Variants in GOLIM4 observed in about 807,000 individuals in gnomAD.
GOLIM4 encodes the protein 130 kDa golgi-localized phosphoprotein.
Under a neutral mutation model 107.4 loss-of-function variants are expected in GOLIM4, and 71 were observed. That is an observed-to-expected ratio of 0.66 (90% CI 0.55 to 0.81). GOLIM4 has a LOEUF of 0.81. GOLIM4 is among the 30% of genes least tolerant of loss of function. GOLIM4 has a pLI of 0.00. For missense variants in GOLIM4, 830 were observed against 826.1 expected (o/e 1.00, Z -0.06); for synonymous variants, 327 against 294.8 (o/e 1.11, Z -1.12).
chr3:168,067,298 T>C (rs1720600902), intron 1 of GOLIM4, among the ~76,000 whole-genome samples: 2 of 152,086 alleles, frequency 1.3e-5, no homozygotes, highest in African/African-American at 4.8e-5. Flanking sequence ...TGAAGAATAC[T>C]AGCCCTTGAC....
chr3:168,076,555 G>A (rs528277980), intron 1 of GOLIM4, among the ~76,000 whole-genome samples: 20 of 152,248 alleles, frequency 1.3e-4, no homozygotes, highest in African/African-American at 4.8e-4. Context: ...GCTGGGCGTC[G>A]TGGCGCACAC....
At position 168,095,221 on chromosome 3, in the gene GOLIM4, A is replaced by T. The variant is rs200050335; in HGVS notation, c.65T>A (p.Val22Asp). Residue 22 changes from valine (V) to aspartate (D), a missense_variant, in exon 1 of 16, where the codon GTC (valine) becomes GAC (aspartate). Transcript: ENST00000470487. ...CGCGCCGTAGAGAAAGCCGAACACGACGGTCAGCAGCAGCAGCGTCTGGAA... is the reference window on the plus strand; with the variant it reads ...CGCGCCGTAGAGAAAGCCGAACACGTCGGTCAGCAGCAGCAGCGTCTGGAA... ...RIFQTLLLLTVVFGFLYGAML... is the reference protein window; with the variant it reads ...RIFQTLLLLTDVFGFLYGAML... 6 of 1,611,340 alleles carry T rather than the reference A, an allele frequency of 3.7e-6. No homozygotes were observed. Among genetic ancestry groups the T allele is most frequent in the Non-Finnish European group, 5.1e-6 (6 of 1,177,872 alleles).
At chr3:168,055,902 T>C (rs1719935248) in intron 1 of GOLIM4, among the ~76,000 whole-genome samples, 1 of 151,910 alleles carries the variant, frequency 6.6e-6, no homozygotes, top group Non-Finnish European at 1.5e-5. Flanking sequence ...GCCTGATGAA[T>C]GTGACAGAAA....
chr3:168,090,882 C>T (rs1721873192), intron 1 of GOLIM4, among the ~76,000 whole-genome samples: 1 of 152,092 alleles, frequency 6.6e-6, no homozygotes, highest in Non-Finnish European at 1.5e-5. Flanking sequence ...CATGGATGGA[C>T]CTGGAGGCCA....
chr3:168,093,680 T>C (rs1474325295), intron 1 of GOLIM4, among the ~76,000 whole-genome samples: 1 of 152,232 alleles, frequency 6.6e-6, no homozygotes, highest in Non-Finnish European at 1.5e-5. Flanking sequence ...TAAATTTCAA[T>C]GAGTTTAAAG....
intron 14 of GOLIM4, among the ~76,000 whole-genome samples, chr3:168,015,293 G>C (rs980210788): frequency 6.8e-6 from 1 of 146,344 alleles, no homozygotes; most frequent in African/African-American, 2.7e-5. Context: ...ATTCACAATT[G>C]CTTCAAAGAG....
intron 1 of GOLIM4, among the ~76,000 whole-genome samples, chr3:168,075,335 C>G (rs1470188703): frequency 8.8e-6 from 1 of 113,210 alleles, no homozygotes; most frequent in Non-Finnish European, 1.6e-5. Flanking sequence ...CTCGCTCTGT[C>G]GCCCAGGCTG....
chr3:168,063,874 A>G (rs1411954180), intron 1 of GOLIM4, among the ~76,000 whole-genome samples: 1 of 151,824 alleles, frequency 6.6e-6, no homozygotes, highest in East Asian at 1.9e-4. Flanking sequence ...CCCCGAGCCT[A>G]AAAGTTGAAG....
intron 1 of GOLIM4, among the ~76,000 whole-genome samples, chr3:168,085,089 G>C (rs1215577951): frequency 6.6e-6 from 1 of 152,164 alleles, no homozygotes; most frequent in Non-Finnish European, 1.5e-5. Context: ...ATACATTGGG[G>C]GAAGTACTGC....
rs765216253 is a variant in GOLIM4, at chr3:168,010,338, C to T, written c.2022G>A (p.Glu674=). ...NRPKGREEHY[E]EEEEEEEDGA... is the part of the protein sequence containing the mutation. ...CGTCTTCTTCCTCCTCTTCTTCCTC[C>T]TCGTAGTGTTCCTCTCGGCCTTTGG... Residue 674 remains glutamate (E), a synonymous_variant, in exon 16 of 16, where the codon GAG becomes GAA. Coordinates refer to ENST00000470487, the MANE Select transcript of GOLIM4 (RefSeq NM_014498.5). 1.2e-6 allele frequency: 2 copies of T among 1,613,890 alleles called. No homozygotes were observed. The highest frequency in any genetic ancestry group is 1.7e-6 in the Non-Finnish European group (2 of 1,179,822).
intron 1 of GOLIM4, among the ~76,000 whole-genome samples, chr3:168,081,000 G>A (rs1229051464): frequency 6.6e-6 from 1 of 152,134 alleles, no homozygotes; most frequent in Non-Finnish European, 1.5e-5. Context: ...ACTCAGTTGA[G>A]TAGTGAGCAT....
intron 2 of GOLIM4, 101 bp downstream of exon 2, chr3:168,048,190 T>C (rs766718257): frequency 2.5e-5 from 17 of 687,246 alleles, no homozygotes; most frequent in Non-Finnish European, 4.0e-5. Context: ...TTGGGTTGAT[T>C]TGAGAACGAT....
In GOLIM4 at chr3:168,070,755, G is replaced by A. The variant is rs906207743; in HGVS notation, c.188-22390C>T. Among the ~76,000 whole-genome samples, 3 of 152,300 alleles carry A rather than the reference G, an allele frequency of 2.0e-5. No homozygotes were observed. The East Asian group carries it at 5.8e-4, about 29-fold the overall frequency. ...ATTAAATTCTGTGAACTTTCTAGAA[G>A]AGGGTTGTTGCTTTTTAGCTTGAAA... On this transcript the variant is annotated intron_variant, in intron 1 of 15. Coordinates refer to ENST00000470487, the MANE Select transcript of GOLIM4 (RefSeq NM_014498.5).
chr3:168,011,371 C>A (rs549942313), intron 14 of GOLIM4, among the ~76,000 whole-genome samples: 1 of 152,238 alleles, frequency 6.6e-6, no homozygotes, highest in Non-Finnish European at 1.5e-5. Context: ...GATTATATCC[C>A]GCACCTGGCT....
chr3:168,046,918 C>A, intron 3 of GOLIM4, 32 bp downstream of exon 3: 3 of 1,177,196 alleles, frequency 2.5e-6, no homozygotes, highest in Non-Finnish European at 3.6e-6. Context: ...TTAAGGAAAA[C>A]AAACAACCAC....
intron 1 of GOLIM4, among the ~76,000 whole-genome samples, chr3:168,058,355 T>C (rs571949481): frequency 1.3e-5 from 2 of 152,346 alleles, no homozygotes; most frequent in Admixed American, 1.3e-4. Flanking sequence ...CAAATAAGTA[T>C]TATATGAGCT....
chr3:168,082,432 T>C (rs1721419935), intron 1 of GOLIM4, among the ~76,000 whole-genome samples: 1 of 152,158 alleles, frequency 6.6e-6, no homozygotes, highest in African/African-American at 2.4e-5. Flanking sequence ...AGTCTCCCTA[T>C]AAAGGGCCAC....
chr3:168,012,868 C>G (rs530874528), intron 14 of GOLIM4, among the ~76,000 whole-genome samples: 4,467 of 151,878 alleles, frequency 0.029, 211 homozygotes, highest in African/African-American at 0.1. Flanking sequence ...CAGGCCTGCC[C>G]TACAAGAGCT....
At chr3:168,081,626 CAT>C (rs1560108824) in intron 1 of GOLIM4, among the ~76,000 whole-genome samples, 2 of 152,146 alleles carry the variant, frequency 1.3e-5, no homozygotes, top group Non-Finnish European at 2.9e-5. Context: ...ATTAATCCCA[CAT>C]GTGTCACTGT....
Sources: gnomAD v4.1 joint callset for allele counts (sites outside exome capture counted in the v4.1 genomes callset) on GRCh38, gnomAD v4.1.1 for gene constraint, MANE v1.5 for transcripts, NCBI Gene and HGNC (gene_info 2026-07-23, HGNC 2026-07-21) for gene names.